Variants in SOBP observed in about 807,000 individuals in gnomAD.
SOBP encodes sine oculis binding protein homolog.
SOBP carries 4 observed loss-of-function variants against 53.6 expected under a neutral mutation model. The ratio of observed to expected loss-of-function variants is 0.07; its 90% CI spans 0.04 to 0.17. SOBP has a LOEUF of 0.17. Among genes scored for constraint, SOBP ranks in the 10% least tolerant of loss-of-function variants. The pLI is 1.00. For synonymous variants in SOBP, 584 were observed against 522.6 expected (o/e 1.12, Z -1.60); for missense variants, 1,088 against 1,204.7 (o/e 0.90, Z 1.43).
intron 6 of SOBP, among the ~76,000 whole-genome samples, chr6:107,646,816 A>C (rs1238694810): frequency 6.6e-6 from 1 of 152,206 alleles, no homozygotes; most frequent in East Asian, 1.9e-4. Context: ...TTAGTGGAAA[A>C]GAATATCTGC....
intron 3 of SOBP, among the ~76,000 whole-genome samples, chr6:107,521,974 C>T (rs1783512854): frequency 6.7e-6 from 1 of 148,620 alleles, no homozygotes; most frequent in Non-Finnish European, 1.5e-5. Flanking sequence ...TCAATCAAGT[C>T]TGAGAATTAC....
chr6:107,568,177 A>C (rs1784971366), intron 4 of SOBP, among the ~76,000 whole-genome samples: 1 of 152,194 alleles, frequency 6.6e-6, no homozygotes, highest in Admixed American at 6.5e-5. Flanking sequence ...TATTGACTCC[A>C]TTGTATTTTC....
chr6:107,606,909 C>A (rs1786405985), intron 5 of SOBP, among the ~76,000 whole-genome samples: 1 of 152,216 alleles, frequency 6.6e-6, no homozygotes, highest in Non-Finnish European at 1.5e-5. Flanking sequence ...CTTATCACCA[C>A]CCCCATCCCT....
At chr6:107,607,556 T>C (rs1179266824) in intron 5 of SOBP, among the ~76,000 whole-genome samples, 3 of 152,210 alleles carry the variant, frequency 2.0e-5, no homozygotes, top group Non-Finnish European at 4.4e-5. Flanking sequence ...ACCTGGTACC[T>C]ATTGTAGCAA....
chr6:107,519,529 C>T (rs897716343), intron 3 of SOBP, among the ~76,000 whole-genome samples: 4 of 152,112 alleles, frequency 2.6e-5, no homozygotes, highest in Non-Finnish European at 4.4e-5. Context: ...CTGTGGCATA[C>T]GTCTCTCGCT....
chr6:107,521,909 A>AACAC (rs34004579), intron 3 of SOBP, among the ~76,000 whole-genome samples: 5,100 of 139,188 alleles, frequency 0.037, 140 homozygotes, highest in African/African-American at 0.073. Context: ...CAGACATTAA[A>AACAC]ACACACACAC....
At chr6:107,600,249 T>G (rs1384493206) in intron 5 of SOBP, among the ~76,000 whole-genome samples, 2 of 152,220 alleles carry the variant, frequency 1.3e-5, no homozygotes, top group African/African-American at 2.4e-5. Context: ...GTAAAATGCC[T>G]TTCCTCCTAC....
At chr6:107,500,870 A>C (rs12664555) in intron 1 of SOBP, among the ~76,000 whole-genome samples, 2 of 152,134 alleles carry the variant, frequency 1.3e-5, no homozygotes, top group African/African-American at 2.4e-5. Context: ...TGGCTTCTTC[A>C]TACAATAGTG....
chr6:107,608,907 A>G (rs1168325749), intron 5 of SOBP, among the ~76,000 whole-genome samples: 1 of 152,224 alleles, frequency 6.6e-6, no homozygotes, highest in Non-Finnish European at 1.5e-5. Context: ...GGCATCAGAA[A>G]GCCCCTTAGC....
At chr6:107,637,458 C>T (rs1167492437) in intron 6 of SOBP, among the ~76,000 whole-genome samples, 1 of 152,256 alleles carries the variant, frequency 6.6e-6, no homozygotes, top group East Asian at 1.9e-4. Flanking sequence ...GATTTTACAT[C>T]TACAAGTTCT....
Position 107,490,685 on chromosome 6 carries a change from GA to G in SOBP, c.73del (p.Arg25GlyfsTer7). 1 of 1,607,450 alleles carries G rather than the reference GA, an allele frequency of 6.2e-7. No homozygotes were observed. Among genetic ancestry groups the G allele is most frequent in the South Asian group, 1.1e-5 (1 of 89,956 alleles). ...GGAGCAGGAAGCCGGCTCACCCAGT[GA>G]AAAGGGAGATCAATGAGGAGATGAA... Reference protein sequence around the residue: ...KRSRKPAHPVKREINEEMKNF... With the variant: ...KRSRKPAHPVXREINEEMKNF... On this transcript the variant is annotated frameshift_variant, in exon 1 of 7. Transcript: ENST00000317357. LOFTEE classifies it high-confidence loss of function.
chr6:107,557,460 C>G (rs1000319116), intron 4 of SOBP, among the ~76,000 whole-genome samples: 2 of 152,124 alleles, frequency 1.3e-5, no homozygotes, highest in African/African-American at 4.8e-5. Flanking sequence ...AAGATATAGC[C>G]ATTTGGAAAG....
intron 3 of SOBP, among the ~76,000 whole-genome samples, chr6:107,522,895 G>A (rs935449048): frequency 6.6e-6 from 1 of 152,056 alleles, no homozygotes; most frequent in Non-Finnish European, 1.5e-5. Flanking sequence ...TGGGAGGTGG[G>A]AGGTGAGAGG....
At chr6:107,594,212 G>T (rs1342980505) in intron 5 of SOBP, among the ~76,000 whole-genome samples, 2 of 152,166 alleles carry the variant, frequency 1.3e-5, no homozygotes, top group Non-Finnish European at 2.9e-5. Flanking sequence ...ATTGGGTAGG[G>T]TTGGCCTGGG....
Position 107,490,673 on chromosome 6 carries a change from G to A in SOBP, c.57G>A (p.Pro19=). The change falls in exon 1 of 7, where the codon CCG becomes CCA. Residue 19 remains proline (P), a synonymous_variant. Coordinates refer to ENST00000317357, the MANE Select transcript of SOBP (RefSeq NM_018013.4). Reference sequence around the variant, plus strand: ...CCGAAAATAAACGGAGCAGGAAGCCGGCTCACCCAGTGAAAAGGGAGATCA... The same window carrying A: ...CCGAAAATAAACGGAGCAGGAAGCCAGCTCACCCAGTGAAAAGGGAGATCA... ...RPPENKRSRK[P]AHPVKREINE... is the part of the protein sequence containing the mutation. The A allele has an allele frequency of 6.2e-7, 1 of 1,608,386 alleles. No individual in the cohort carries two copies. Among genetic ancestry groups the A allele is most frequent in the Non-Finnish European group, 8.5e-7 (1 of 1,177,096 alleles).
At chr6:107,608,008 G>A (rs1348094476) in intron 5 of SOBP, among the ~76,000 whole-genome samples, 1 of 152,214 alleles carries the variant, frequency 6.6e-6, no homozygotes, top group East Asian at 1.9e-4. Flanking sequence ...TCCACTATTA[G>A]AGGTTACTTT....
intron 5 of SOBP, among the ~76,000 whole-genome samples, chr6:107,626,722 C>A (rs930951259): frequency 6.6e-6 from 1 of 152,176 alleles, no homozygotes; most frequent in Non-Finnish European, 1.5e-5. Flanking sequence ...GACGGCCTGG[C>A]AATGGGAGAT....
chr6:107,634,428 C>T lies in SOBP; in HGVS notation c.1584C>T (p.Pro528=), dbSNP rs376193904. ...CCCCGACCCTGCTCGTGCCGTACCC[C>T]GTGATCGTGCCCCTACCGGTGCCCA... ...VPPPTLLVPY[P]VIVPLPVPIP... is the part of the protein sequence containing the mutation. Residue 528 remains proline, a synonymous_variant, in exon 6 of 7, where the codon CCC becomes CCT. Coordinates refer to ENST00000317357, the MANE Select transcript of SOBP (RefSeq NM_018013.4). The surrounding 1 kb of genome is among the most constrained non-coding windows in gnomAD (Gnocchi z 4.5). The T allele has an allele frequency of 2.5e-6, 4 of 1,607,092 alleles. No individual in the cohort carries two copies. Among genetic ancestry groups the T allele is most frequent in the Non-Finnish European group, 2.5e-6 (3 of 1,179,840 alleles).
chr6:107,580,789 T>A (rs532259607), intron 4 of SOBP, among the ~76,000 whole-genome samples: 1 of 152,270 alleles, frequency 6.6e-6, no homozygotes, highest in African/African-American at 2.4e-5. Flanking sequence ...GACCATGGTA[T>A]CTAACCAAGT....
Sources: gnomAD v4.1 joint callset for allele counts (sites outside exome capture counted in the v4.1 genomes callset) on GRCh38, gnomAD v4.1.1 for gene constraint, Gnocchi (gnomAD v3.1) non-coding constraint, MANE v1.5 for transcripts, NCBI Gene and HGNC (gene_info 2026-07-23, HGNC 2026-07-21) for gene names.